Variants in MYO10 observed in about 807,000 individuals in gnomAD.
MYO10 encodes the protein myosin X, also known as unconventional myosin-X.
Under a neutral mutation model 257.3 loss-of-function variants are expected in MYO10, and 133 were observed. That is an observed-to-expected ratio of 0.52 (90% CI 0.45 to 0.60). The LOEUF (loss-of-function observed/expected upper bound fraction) is 0.60, where lower values mean the gene tolerates loss of function less well. Among genes scored for constraint, MYO10 ranks in the 20% least tolerant of loss-of-function variants. The probability of loss-of-function intolerance (pLI) is 0.00; values close to 1 mark genes in which losing one functional copy is unlikely to be tolerated. For synonymous variants in MYO10, 1,104 were observed against 1,028.6 expected (o/e 1.07, Z -1.40); for missense variants, 2,399 against 2,635.7 (o/e 0.91, Z 1.97).
rs114034183 is a variant in MYO10 at position 16,711,814 on chromosome 5, C to T, written c.1930-569G>A. ...AAAAAAAAAGGAAAATCCCAAACAT[C>T]GCATCACCTCATTTGCAAAGATTCT... On this transcript the variant is annotated intron_variant, in intron 19 of 40. Coordinates refer to ENST00000513610, the MANE Select transcript of MYO10 (RefSeq NM_012334.3). Among the ~76,000 whole-genome samples, 1,042 of 151,848 alleles carry T rather than the reference C, an allele frequency of 6.9e-3. 3 individuals carry two copies. Among genetic ancestry groups the T allele is most frequent in the South Asian group, 0.012 (59 of 4,804 alleles).
chr5:16,795,170 T>C (rs775499099), intron 3 of MYO10, among the ~76,000 whole-genome samples: 21 of 152,186 alleles, frequency 1.4e-4, no homozygotes, highest in Non-Finnish European at 2.2e-4. Flanking sequence ...TCCAGTCTCC[T>C]GTCTCATTAA....
chr5:16,894,515 A>G (rs2126778014), intron 1 of MYO10, among the ~76,000 whole-genome samples: 1 of 152,278 alleles, frequency 6.6e-6, no homozygotes, highest in South Asian at 2.1e-4. Flanking sequence ...AGCAAATACA[A>G]TCTACCTCCC....
At chr5:16,860,094 C>T (rs537754701) in intron 2 of MYO10, among the ~76,000 whole-genome samples, 55 of 152,270 alleles carry the variant, frequency 3.6e-4, no homozygotes, top group African/African-American at 1.3e-3. Context: ...AAAACCTGCA[C>T]ACTATTAACT....
intron 29 of MYO10, among the ~76,000 whole-genome samples, chr5:16,685,252 G>A (rs1393732692): frequency 6.6e-6 from 1 of 152,092 alleles, no homozygotes; most frequent in Non-Finnish European, 1.5e-5. Context: ...GACAGGGTCA[G>A]GCTGCTGGAG....
intron 14 of MYO10, among the ~76,000 whole-genome samples, chr5:16,763,031 C>T (rs571493229): frequency 6.6e-6 from 1 of 150,662 alleles, no homozygotes; most frequent in Non-Finnish European, 1.5e-5. Flanking sequence ...CTCTTCTCTA[C>T]TCTCTAACAA....
At chr5:16,778,306 A>G (rs12520877) in intron 9 of MYO10, among the ~76,000 whole-genome samples, 31,625 of 152,112 alleles carry the variant, frequency 0.21, 3,451 homozygotes, top group Middle Eastern at 0.24. Context: ...GCAAGAGACC[A>G]TGGCATGCCA....
At chr5:16,902,686 T>A (rs140759816) in intron 1 of MYO10, 32,836 of 971,888 alleles carry the variant, frequency 0.034, 706 homozygotes, top group Middle Eastern at 0.05. Flanking sequence ...TTTTTTGTAT[T>A]TTTAGTGGAG....
intron 27 of MYO10, 48 bp from the exon 28 acceptor site, chr5:16,689,967 T>G (rs749942858): frequency 7.3e-7 from 1 of 1,371,442 alleles, no homozygotes; most frequent in Non-Finnish European, 1.0e-6. Context: ...CACCAAATTC[T>G]GAATAACTGA....
rs1292333301 is a variant in MYO10 at position 16,725,801 on chromosome 5, T to C, written c.1930-14556A>G. On this transcript the variant is annotated intron_variant, in intron 19 of 40. Transcript: ENST00000513610. ...ACAGGTACCCCCTTTTTTTTTTTTT[T>C]TTGTGAGGCGGAGTCTAGCTCTGTC... Among the ~76,000 whole-genome samples the C allele has an allele frequency of 1.3e-5, 2 of 151,388 alleles. 1 individual carries two copies. The highest frequency in any genetic ancestry group is 2.9e-5 in the Non-Finnish European group (2 of 67,802).
chr5:16,673,227 G>T (rs1006107703), intron 36 of MYO10, among the ~76,000 whole-genome samples: 7 of 151,878 alleles, frequency 4.6e-5, no homozygotes, highest in Non-Finnish European at 8.8e-5. Context: ...TGGGGGGTGG[G>T]GGTCGGGGTG....
chr5:16,850,440 G>A (rs1743767632), intron 2 of MYO10, among the ~76,000 whole-genome samples: 1 of 151,880 alleles, frequency 6.6e-6, no homozygotes, highest in African/African-American at 2.4e-5. Flanking sequence ...ACCACACTCA[G>A]CTAATTTTTG....
At chr5:16,698,213 A>T (rs1737849788) in intron 26 of MYO10, among the ~76,000 whole-genome samples, 1 of 152,122 alleles carries the variant, frequency 6.6e-6, no homozygotes, top group Non-Finnish European at 1.5e-5. Flanking sequence ...TCTATAAAAA[A>T]TTAGCCTGGC....
chr5:16,678,837 C>T (rs1435258999), intron 33 of MYO10, among the ~76,000 whole-genome samples: 4 of 152,210 alleles, frequency 2.6e-5, no homozygotes, highest in African/African-American at 9.6e-5. Flanking sequence ...GTCACAGCCC[C>T]AGCTCTGTCC....
chr5:16,836,789 A>G (rs1185937750), intron 2 of MYO10, among the ~76,000 whole-genome samples: 2 of 152,222 alleles, frequency 1.3e-5, no homozygotes, highest in African/African-American at 4.8e-5. Flanking sequence ...CAGTCTGGTC[A>G]TTCTTTGAAA....
chr5:16,715,418 G>A (rs367776353), intron 19 of MYO10, among the ~76,000 whole-genome samples: 2 of 11,366 alleles, frequency 1.8e-4, no homozygotes, highest in Non-Finnish European at 4.1e-4. Flanking sequence ...TTTTTTTTTT[G>A]AGACAGGGTC....
intron 2 of MYO10, among the ~76,000 whole-genome samples, chr5:16,859,504 G>C (rs1744052853): frequency 6.6e-6 from 1 of 152,138 alleles, no homozygotes; most frequent in Non-Finnish European, 1.5e-5. Flanking sequence ...CCAGTGCTTT[G>C]GGAGGCTGAG....
chr5:16,865,576 C>T (rs143331244), intron 2 of MYO10, among the ~76,000 whole-genome samples: 7,403 of 152,104 alleles, frequency 0.049, 263 homozygotes, highest in South Asian at 0.17. Flanking sequence ...TTTGGGAGGC[C>T]GAGGTGGGTG....
intron 1 of MYO10, among the ~76,000 whole-genome samples, chr5:16,885,866 C>A (rs1195578392): frequency 1.3e-5 from 2 of 152,060 alleles, no homozygotes; most frequent in Admixed American, 6.6e-5. Context: ...AGACAGCCAC[C>A]CTCAGCAGGG....
rs751919757 is a variant in MYO10, at chr5:16,666,798, C to G, written c.6076-5G>C. 1 of 1,593,486 alleles carries G rather than the reference C, an allele frequency of 6.3e-7. No individual in the cohort carries two copies. Among genetic ancestry groups the G allele is most frequent in the Non-Finnish European group, 8.5e-7 (1 of 1,171,606 alleles). ...GAGCTTGGCCACATCCACCACCTGCCCAGGGGGAAGCAGAACCGACACAGC... is the reference window on the plus strand; with the variant it reads ...GAGCTTGGCCACATCCACCACCTGCGCAGGGGGAAGCAGAACCGACACAGC... On this transcript the variant is annotated splice_region_variant and splice_polypyrimidine_tract_variant and intron_variant, in intron 40 of 40. Transcript: ENST00000513610.
Sources: gnomAD v4.1 joint callset for allele counts (sites outside exome capture counted in the v4.1 genomes callset) on GRCh38, gnomAD v4.1.1 for gene constraint, MANE v1.5 for transcripts, NCBI Gene and HGNC (gene_info 2026-07-23, HGNC 2026-07-21) for gene names.